GRK5: variants seen among roughly 807,000 people sequenced by gnomAD.
The protein encoded by GRK5 is g protein-coupled receptor kinase GRK5.
Under a neutral mutation model 78.4 loss-of-function variants are expected in GRK5, and 40 were observed. The ratio of observed to expected loss-of-function variants is 0.51; its 90% CI spans 0.40 to 0.66. GRK5 has a LOEUF of 0.66. GRK5 is among the 30% of genes least tolerant of loss of function. The pLI is 0.00. For missense variants in GRK5, 598 were observed against 759.9 expected (o/e 0.79, Z 2.50); for synonymous variants, 289 against 296.8 (o/e 0.97, Z 0.27).
At chr10:119,422,676 G>A (rs1352147440) in intron 4 of GRK5, among the ~76,000 whole-genome samples, 1 of 152,204 alleles carries the variant, frequency 6.6e-6, no homozygotes, top group Non-Finnish European at 1.5e-5. Flanking sequence ...TTTTGCCCTC[G>A]GAGGAAAGAA....
chr10:119,395,489 C>A (rs1218768109), intron 3 of GRK5, among the ~76,000 whole-genome samples: 1 of 152,190 alleles, frequency 6.6e-6, no homozygotes, highest in Non-Finnish European at 1.5e-5. Flanking sequence ...ATGCTGGTGT[C>A]ATTTCCTTCC....
chr10:119,394,323 T>A lies in GRK5; in HGVS notation c.262-2372T>A, dbSNP rs111217745. Among the ~76,000 whole-genome samples, 37 of 100,920 alleles carry A rather than the reference T, an allele frequency of 3.7e-4. 2 individuals carry two copies. Among genetic ancestry groups the A allele is most frequent in the Non-Finnish European group, 4.7e-4 (22 of 47,034 alleles). 66.2% of individuals were successfully genotyped at this position (100,920 alleles called of 152,430 possible). On this transcript the variant is annotated intron_variant, in intron 3 of 15. Coordinates refer to ENST00000392870, the MANE Select transcript of GRK5 (RefSeq NM_005308.3). The stretch of plus-strand genomic sequence containing the variant: ...GTGTCTGTGTGGGCACGTGGGTGTG[T>A]GTATCTGTGTGTCTGTGTGTGGGCA...
At chr10:119,297,896 A>T (rs963738153) in intron 1 of GRK5, among the ~76,000 whole-genome samples, 1 of 152,202 alleles carries the variant, frequency 6.6e-6, no homozygotes, top group Non-Finnish European at 1.5e-5. Context: ...CTCAATGGAA[A>T]CTTCTTGTTC....
At chr10:119,369,777 G>A (rs111584720) in intron 2 of GRK5, among the ~76,000 whole-genome samples, 3,025 of 152,228 alleles carry the variant, frequency 0.02, 48 homozygotes, top group Non-Finnish European at 0.032. Flanking sequence ...CCGGGCAGAG[G>A]AGAGGGCTCA....
chr10:119,316,972 G>C (rs1259850316), intron 1 of GRK5, among the ~76,000 whole-genome samples: 1 of 152,124 alleles, frequency 6.6e-6, no homozygotes, highest in Admixed American at 6.5e-5. Context: ...TCTTGTTAGC[G>C]TAAACTCAGA....
chr10:119,270,362 A>G (rs905719132), intron 1 of GRK5, among the ~76,000 whole-genome samples: 3 of 152,286 alleles, frequency 2.0e-5, no homozygotes, highest in African/African-American at 7.2e-5. Context: ...AACATGTACA[A>G]ACATTTTCCT....
intron 1 of GRK5, among the ~76,000 whole-genome samples, chr10:119,316,862 T>A (rs1302920126): frequency 1.3e-5 from 2 of 152,194 alleles, no homozygotes; most frequent in African/African-American, 4.8e-5. Flanking sequence ...TGGCCCCCCG[T>A]CCCTCCCTGG....
intron 1 of GRK5, among the ~76,000 whole-genome samples, chr10:119,319,297 G>A (rs1466302314): frequency 1.3e-5 from 2 of 152,166 alleles, no homozygotes; most frequent in Non-Finnish European, 2.9e-5. Context: ...CCTTCTAAAG[G>A]GCCAGTGGCA....
Position 119,333,755 on chromosome 10 carries a change from T to C in GRK5, c.148+7144T>C, listed in dbSNP as rs765812123. The C allele has an allele frequency of 9.4e-6, 5 of 532,436 alleles. No individual in the cohort carries two copies. In the Admixed American group the frequency reaches 9.7e-5, roughly 10 times the overall value. 33.0% of individuals were successfully genotyped at this position (532,436 alleles called of 1,614,324 possible). The stretch of plus-strand genomic sequence containing the variant: ...GCATGTTTAGTGAGCACTGAAAACA[T>C]GCTGTCCACGGGGGAGCTGAGCGGA... On this transcript the variant is annotated intron_variant, in intron 2 of 15. Coordinates refer to ENST00000392870, the MANE Select transcript of GRK5 (RefSeq NM_005308.3).
chr10:119,396,682 CCTT>C lies in GRK5; in HGVS notation c.262-10_262-8del. The C allele has an allele frequency of 6.2e-7, 1 of 1,601,050 alleles. No homozygotes were observed. Among genetic ancestry groups the C allele is most frequent in the Non-Finnish European group, 8.6e-7 (1 of 1,168,352 alleles). On this transcript the variant is annotated splice_polypyrimidine_tract_variant and intron_variant, in intron 3 of 15. Transcript: ENST00000392870. Reference sequence around the variant, plus strand: ...CAAACCTGTTATTGTTCTTTTTTCTCCTTCTGTTTTAGGCAGAATATGAAGTTA... The same window carrying C: ...CAAACCTGTTATTGTTCTTTTTTCTCCTGTTTTAGGCAGAATATGAAGTTA...
intron 1 of GRK5, among the ~76,000 whole-genome samples, chr10:119,268,299 G>A (rs1474699149): frequency 5.3e-5 from 8 of 152,222 alleles, no homozygotes; most frequent in Admixed American, 5.2e-4. Flanking sequence ...CCCAAGCAGT[G>A]TTTTTCTGTT....
intron 1 of GRK5, among the ~76,000 whole-genome samples, chr10:119,260,890 C>T (rs1849372169): frequency 6.6e-6 from 1 of 152,124 alleles, no homozygotes; most frequent in Non-Finnish European, 1.5e-5. Context: ...CCGCCATTGT[C>T]ATCATGGCCC....
At chr10:119,235,500 C>G (rs1380851108) in intron 1 of GRK5, among the ~76,000 whole-genome samples, 1 of 152,092 alleles carries the variant, frequency 6.6e-6, no homozygotes, top group South Asian at 2.1e-4. Context: ...GGCTGTGTCC[C>G]AAGTGCTGCA....
chr10:119,228,217 C>T (rs572742069), intron 1 of GRK5, among the ~76,000 whole-genome samples: 7 of 151,778 alleles, frequency 4.6e-5, no homozygotes, highest in African/African-American at 1.5e-4. Context: ...TGGTGGTGTG[C>T]GCCTGAAGTC....
rs569450626 is a variant in GRK5, at chr10:119,386,625, G to A, written c.261+5698G>A. 7.2e-5 allele frequency among the ~76,000 whole-genome samples: 11 copies of A among 152,228 alleles called. No individual in the cohort carries two copies. In the East Asian group the frequency reaches 1.7e-3, roughly 24 times the overall value. On this transcript the variant is annotated intron_variant, in intron 3 of 15. Coordinates refer to ENST00000392870, the MANE Select transcript of GRK5 (RefSeq NM_005308.3). Reference sequence around the variant, plus strand: ...CCTAATGAAGCTGCCACTCACGAGGGGCCGACCCGCTCCCTTCTGCGTTTT... The same window carrying A: ...CCTAATGAAGCTGCCACTCACGAGGAGCCGACCCGCTCCCTTCTGCGTTTT...
rs562527626 is a variant in GRK5, at chr10:119,456,571, T to C, written c.*1504T>C. 38 of 152,402 alleles carry C rather than the reference T, an allele frequency of 2.5e-4. No homozygotes were observed. The highest frequency in any genetic ancestry group is 8.2e-4 in the African/African-American group (34 of 41,592). 9.4% of individuals were successfully genotyped at this position (152,402 alleles called of 1,614,324 possible). A position where few individuals can be genotyped will look rare whatever the true frequency, so the allele number is the denominator to read the frequency against. ...GTCCCCTGCCCGGCTGAGTCCCTGA[T>C]GTCTGACTGTGCCACCCAGCAGCTG... On this transcript the variant is annotated 3_prime_UTR_variant, in exon 16 of 16. Coordinates refer to ENST00000392870, the MANE Select transcript of GRK5 (RefSeq NM_005308.3). This position sits in a 1 kb window ranked among gnomAD's most constrained non-coding sequence, Gnocchi z 5.5.
chr10:119,401,537 G>A (rs1253392201), intron 4 of GRK5, among the ~76,000 whole-genome samples: 1 of 152,198 alleles, frequency 6.6e-6, no homozygotes, highest in Non-Finnish European at 1.5e-5. Context: ...ACCTCTTTGG[G>A]CTGCATGGGT....
intron 1 of GRK5, among the ~76,000 whole-genome samples, chr10:119,231,732 A>C (rs565213738): frequency 3.6e-4 from 54 of 151,814 alleles, no homozygotes; most frequent in South Asian, 2.7e-3. Context: ...AAGAAAAAAA[A>C]CTCAACATCA....
intron 3 of GRK5, among the ~76,000 whole-genome samples, chr10:119,394,116 G>GCA (rs1851937888): frequency 3.3e-4 from 4 of 12,190 alleles, no homozygotes; most frequent in Admixed American, 9.4e-4. Context: ...TGTGTGGGGG[G>GCA]TGTGTGTGTG....
Sources: gnomAD v4.1 joint callset for allele counts (sites outside exome capture counted in the v4.1 genomes callset) on GRCh38, gnomAD v4.1.1 for gene constraint, Gnocchi (gnomAD v3.1) non-coding constraint, MANE v1.5 for transcripts, NCBI Gene and HGNC (gene_info 2026-07-23, HGNC 2026-07-21) for gene names.